Variants in LRP2BP observed in about 807,000 individuals in gnomAD.
LRP2BP encodes the protein LRP2 binding protein.
In LRP2BP, 38 loss-of-function variants were observed where a neutral mutation model predicts 45.2. The observed-to-expected ratio is 0.84, with a 90% CI of 0.65 to 1.10. The LOEUF (loss-of-function observed/expected upper bound fraction) is 1.10. Among genes scored for constraint, LRP2BP ranks in the 50% least tolerant of loss-of-function variants. LRP2BP has a pLI of 0.00. For missense variants in LRP2BP, 385 were observed against 418.9 expected (o/e 0.92, Z 0.71); for synonymous variants, 153 against 153.9 (o/e 0.99, Z 0.04).
intron 1 of LRP2BP, among the ~76,000 whole-genome samples, chr4:185,386,506 G>A (rs943633194): frequency 6.6e-6 from 1 of 152,294 alleles, no homozygotes; most frequent in Admixed American, 6.5e-5. Flanking sequence ...GGTGGGCAGA[G>A]AGGACAAGAG....
Position 185,395,362 on chromosome 4 carries a change from T to C in LRP2BP, c.-605A>G. On this transcript the variant is annotated 5_prime_UTR_variant, in exon 1 of 9. In the 5' UTR this introduces an upstream ATG that the reference lacks. Transcript: ENST00000505916. Reference sequence around the variant, plus strand: ...CTGTAAGAACGTGTCTGATACCCTTTATTAGTTAGGAATTCCTGAAAATGA... The same window carrying C: ...CTGTAAGAACGTGTCTGATACCCTTCATTAGTTAGGAATTCCTGAAAATGA... The C allele has an allele frequency of 1.0e-6, 1 of 985,436 alleles. No homozygotes were observed. Among genetic ancestry groups the C allele is most frequent in the Non-Finnish European group, 1.2e-6 (1 of 829,914 alleles). The allele number at this position is 985,436 out of a possible 1,614,324, so 61.0% of individuals were successfully genotyped here. A position where few individuals can be genotyped will look rare whatever the true frequency, so the allele number is the denominator to read the frequency against.
rs546026096 is a variant in LRP2BP, at chr4:185,378,071, G to A, written c.106+10C>T. The A allele has an allele frequency of 1.2e-6, 2 of 1,603,820 alleles. No individual in the cohort carries two copies. Among genetic ancestry groups the A allele is most frequent in the African/African-American group, 2.7e-5 (2 of 74,588 alleles). Reference sequence around the variant, plus strand: ...TTTTCCAAGGGAAGCTTAAATATCAGGATTTGTACCAGTCTTTTCCTTTTT... The same window carrying A: ...TTTTCCAAGGGAAGCTTAAATATCAAGATTTGTACCAGTCTTTTCCTTTTT... On this transcript the variant is annotated intron_variant, in intron 2 of 8. Transcript: ENST00000505916.
intron 8 of LRP2BP, among the ~76,000 whole-genome samples, chr4:185,368,720 G>A (rs184395024): frequency 1.3e-5 from 2 of 152,030 alleles, no homozygotes; most frequent in East Asian, 1.9e-4. Flanking sequence ...CTAGAGTACA[G>A]TATCCTAGTT....
At chr4:185,370,940 G>A in intron 7 of LRP2BP, 126 bp from the exon 8 acceptor site, 1 of 1,041,454 alleles carries the variant, frequency 9.6e-7, no homozygotes, top group Non-Finnish European at 1.4e-6. Flanking sequence ...GAACTAAGTT[G>A]TTTGCTGTGT....
intron 1 of LRP2BP, among the ~76,000 whole-genome samples, chr4:185,386,299 G>C (rs1165043696): frequency 1.3e-5 from 2 of 152,128 alleles, no homozygotes; most frequent in South Asian, 4.1e-4. Flanking sequence ...TGAAATAAAT[G>C]AACAAAAATG....
chr4:185,380,113 G>A (rs1428229872), intron 1 of LRP2BP, among the ~76,000 whole-genome samples: 5 of 152,154 alleles, frequency 3.3e-5, no homozygotes, highest in Admixed American at 2.0e-4. Context: ...GTGAGTCACC[G>A]TGTCCAGGCA....
chr4:185,386,200 T>C (rs115020800), intron 1 of LRP2BP, among the ~76,000 whole-genome samples: 1,929 of 152,294 alleles, frequency 0.013, 59 homozygotes, highest in East Asian at 0.062. Context: ...TAATTATCTT[T>C]CTTGTACATG....
In LRP2BP at chr4:185,376,945, CAG is replaced by C; in HGVS notation, c.178_179del (p.Leu60GlyfsTer11). 3 of 1,613,750 alleles carry C rather than the reference CAG, an allele frequency of 1.9e-6. No homozygotes were observed. Among genetic ancestry groups the C allele is most frequent in the Non-Finnish European group, 2.5e-6 (3 of 1,179,720 alleles). ...ATAGTTGACCTCGTAGGAAATATGC[CAG>C]AGTGTCTCCTTTCAGTATTCTTTCC... is the stretch of plus-strand genomic sequence containing the variant. ...LKERILKGDT[L>X]AYFLRGQLYF... On this transcript the variant is annotated frameshift_variant, in exon 3 of 9. Coordinates refer to ENST00000505916, the MANE Select transcript of LRP2BP (RefSeq NM_001377440.1). LOFTEE classifies it high-confidence loss of function.
At chr4:185,368,517 A>G (rs2095400493) in intron 8 of LRP2BP, among the ~76,000 whole-genome samples, 1 of 152,170 alleles carries the variant, frequency 6.6e-6, no homozygotes, top group South Asian at 2.1e-4. Context: ...TCCAGTGAAC[A>G]CCGCTGTCGG....
chr4:185,392,240 T>A (rs140429433), intron 1 of LRP2BP, among the ~76,000 whole-genome samples: 2 of 152,240 alleles, frequency 1.3e-5, no homozygotes, highest in Non-Finnish European at 2.9e-5. Flanking sequence ...TCCAAGTTCT[T>A]ATCACAACAG....
chr4:185,385,150 G>A (rs2095467266), intron 1 of LRP2BP, among the ~76,000 whole-genome samples: 1 of 152,136 alleles, frequency 6.6e-6, no homozygotes, highest in Non-Finnish European at 1.5e-5. Flanking sequence ...AAATAAAACA[G>A]GCTAAGAAAC....
upstream of LRP2BP, chr4:185,396,992 G>C: frequency 1.2e-6 from 2 of 1,612,508 alleles, no homozygotes; most frequent in Non-Finnish European, 1.7e-6. Context: ...TGTCCTGCAG[G>C]CTCAAGCTTC....
rs1306127403 is a variant in LRP2BP at position 185,370,621 on chromosome 4, A to G, written c.978+19T>C. 6.2e-7 allele frequency: 1 copy of G among 1,606,886 alleles called. No homozygotes were observed. Among genetic ancestry groups the G allele is most frequent in the Non-Finnish European group, 8.5e-7 (1 of 1,174,450 alleles). Reference sequence around the variant, plus strand: ...GCAGTTTCTCTTTGGGTGAATTTATATTTTGTTCTAAAGCTTACTTTAGAA... The same window carrying G: ...GCAGTTTCTCTTTGGGTGAATTTATGTTTTGTTCTAAAGCTTACTTTAGAA... On this transcript the variant is annotated intron_variant, in intron 8 of 8. Transcript: ENST00000505916.
intron 8 of LRP2BP, among the ~76,000 whole-genome samples, chr4:185,368,653 C>T (rs1363393651): frequency 2.0e-5 from 3 of 152,168 alleles, no homozygotes; most frequent in Admixed American, 6.5e-5. Flanking sequence ...ATCAGTATCC[C>T]CATAATGTAC....
upstream of LRP2BP, chr4:185,395,954 A>G (rs1236744191): frequency 2.1e-6 from 2 of 960,648 alleles, no homozygotes; most frequent in Non-Finnish European, 2.5e-6. Flanking sequence ...AGTAGCTGCC[A>G]TCGGAAGTCA....
intron 7 of LRP2BP, 44 bp from the exon 8 acceptor site, chr4:185,370,858 GGTAA>G (rs990360384): frequency 3.1e-6 from 5 of 1,602,318 alleles, no homozygotes; most frequent in Non-Finnish European, 4.3e-6. Context: ...CATCAGTTAT[GGTAA>G]GTGTTTGTAA....
Position 185,395,751 on chromosome 4 carries a change from A to AG in LRP2BP, c.-995dup. Reference sequence around the variant, plus strand: ...TAGAATGAAAAGACCACTTATCTTTAGAGGACAAGCATGAACTTGTTTTCT... The same window carrying AG: ...TAGAATGAAAAGACCACTTATCTTTAGGAGGACAAGCATGAACTTGTTTTCT... On this transcript the variant is annotated 5_prime_UTR_variant, in exon 1 of 9. An upstream open reading frame in the 5' UTR loses its in-frame stop. Coordinates refer to ENST00000505916, the MANE Select transcript of LRP2BP (RefSeq NM_001377440.1). 2 of 985,478 alleles carry AG rather than the reference A, an allele frequency of 2.0e-6. No individual in the cohort carries two copies. The highest frequency in any genetic ancestry group is 2.4e-6 in the Non-Finnish European group (2 of 829,946). 61.0% of individuals were successfully genotyped at this position (985,478 alleles called of 1,614,324 possible). A position where few individuals can be genotyped will look rare whatever the true frequency, so the allele number is the denominator to read the frequency against.
intron 7 of LRP2BP, 42 bp from the exon 8 acceptor site, chr4:185,370,856 A>G (rs1472423824): frequency 1.9e-6 from 3 of 1,603,870 alleles, no homozygotes; most frequent in South Asian, 1.1e-5. Flanking sequence ...GACATCAGTT[A>G]TGGTAAGTGT....
At chr4:185,397,202 C>G (rs780737162), upstream of LRP2BP, 2 of 1,614,004 alleles carry the variant, frequency 1.2e-6, no homozygotes, top group East Asian at 4.5e-5. Context: ...AACGCACCCC[C>G]GGATCCCTGC....
Sources: gnomAD v4.1 joint callset for allele counts (sites outside exome capture counted in the v4.1 genomes callset) on GRCh38, gnomAD v4.1.1 for gene constraint, MANE v1.5 for transcripts, NCBI Gene and HGNC (gene_info 2026-07-23, HGNC 2026-07-21) for gene names.